Variants in LHPP observed in about 807,000 individuals in gnomAD.
LHPP encodes hLHPP.
LHPP carries 24 observed loss-of-function variants against 30.3 expected under a neutral mutation model. The ratio of observed to expected loss-of-function variants is 0.79; its 90% confidence interval spans 0.57 to 1.11. The LOEUF (loss-of-function observed/expected upper bound fraction) is 1.11. LHPP is among the 50% of genes most tolerant of loss of function. The pLI, the probability that LHPP is intolerant of heterozygous loss-of-function variation, is 0.00. For missense variants in LHPP, 356 were observed against 367.2 expected, an observed-to-expected ratio of 0.97 and a Z score of 0.25; for synonymous variants, 150 against 157.1, an observed-to-expected ratio of 0.95 and a Z score of 0.34.
At chr10:124,524,294 TGAGACA>T (rs1954679865) in intron 6 of LHPP, among the ~76,000 whole-genome samples, 1 of 137,048 alleles carries the variant, frequency 7.3e-6, no homozygotes, top group African/African-American at 3.0e-5. Context: ...TTTTTTTTTT[TGAGACA>T]GAGTCTCACT....
At chr10:124,467,233 A>C (rs374444803) in intron 1 of LHPP, among the ~76,000 whole-genome samples, 8 of 152,156 alleles carry the variant, frequency 5.3e-5, no homozygotes, top group African/African-American at 1.4e-4. Flanking sequence ...ACTGGGTAGA[A>C]GGCAATGGAG....
At chr10:124,494,412 T>C (rs1953637877) in intron 3 of LHPP, among the ~76,000 whole-genome samples, 1 of 152,192 alleles carries the variant, frequency 6.6e-6, no homozygotes, top group African/African-American at 2.4e-5. Context: ...TTTTGTTGAT[T>C]TCAGGTTTTC....
chr10:124,577,602 C>G (rs1948680029), intron 6 of LHPP, among the ~76,000 whole-genome samples: 1 of 104,596 alleles, frequency 9.6e-6, no homozygotes, highest in Non-Finnish European at 2.3e-5. Context: ...GAAATGTCAC[C>G]CTGTGGTCAT....
intron 6 of LHPP, among the ~76,000 whole-genome samples, chr10:124,556,969 CCAAT>C (rs1948311353): frequency 6.6e-6 from 1 of 152,134 alleles, no homozygotes; most frequent in Non-Finnish European, 1.5e-5. Context: ...TGTTCTCTAA[CCAAT>C]CAGAGACCAG....
In LHPP at chr10:124,596,085, A is replaced by G. The variant is rs116040267; in HGVS notation, c.717-17179A>G. 0.015 allele frequency among the ~76,000 whole-genome samples: 2,230 copies of G among 151,778 alleles called. 55 individuals are homozygous for G. Among genetic ancestry groups the G allele is most frequent in the African/African-American group, 0.051 (2,088 of 41,320 alleles). ...CATCCGTGTTGTTCTGTGCAGCCAG[A>G]CTCCATCCTACGGCATCCGTGGGTG... On this transcript the variant is annotated intron_variant, in intron 6 of 6. Coordinates refer to ENST00000368842, the MANE Select transcript of LHPP (RefSeq NM_022126.4). The surrounding 1 kb of genome is among the most constrained non-coding windows in gnomAD (Gnocchi z 4.6).
intron 6 of LHPP, among the ~76,000 whole-genome samples, chr10:124,522,849 A>G (rs988841338): frequency 1.3e-5 from 2 of 152,036 alleles, no homozygotes; most frequent in African/African-American, 4.8e-5. Context: ...AGTAGAGGGA[A>G]GGGACGTTTT....
chr10:124,566,193 T>TGGAGACC (rs1444775771), intron 6 of LHPP, among the ~76,000 whole-genome samples: 5 of 152,238 alleles, frequency 3.3e-5, no homozygotes, highest in African/African-American at 1.2e-4. Context: ...GGCCAGGTCC[T>TGGAGACC]GGAGACCGGG....
chr10:124,550,346 T>A (rs12772807), intron 6 of LHPP, among the ~76,000 whole-genome samples: 22,593 of 152,190 alleles, frequency 0.15, 2,006 homozygotes, highest in Non-Finnish European at 0.2. Context: ...TGTCCCCCCT[T>A]CTCCCCCGAC....
chr10:124,487,157 C>T (rs1285360497), intron 2 of LHPP, among the ~76,000 whole-genome samples: 1 of 152,196 alleles, frequency 6.6e-6, no homozygotes, highest in African/African-American at 2.4e-5. Flanking sequence ...TGGATTGTGA[C>T]CAGTTTCAGT....
chr10:124,522,916 A>G (rs1203056837), intron 6 of LHPP, among the ~76,000 whole-genome samples: 4 of 152,134 alleles, frequency 2.6e-5, no homozygotes, highest in African/African-American at 9.7e-5. Flanking sequence ...CCGCTGGCAC[A>G]TCTGAGCCAC....
intron 6 of LHPP, among the ~76,000 whole-genome samples, chr10:124,518,502 C>A (rs1012346254): frequency 2.0e-5 from 3 of 152,252 alleles, no homozygotes; most frequent in Non-Finnish European, 4.4e-5. Flanking sequence ...TGCTGCCTGG[C>A]GTCAGCCGTC....
intron 5 of LHPP, among the ~76,000 whole-genome samples, chr10:124,513,880 C>T (rs541494664): frequency 2.6e-5 from 4 of 152,088 alleles, no homozygotes; most frequent in South Asian, 2.1e-4. Flanking sequence ...GTTTCAGCCA[C>T]ACTGGCGAGG....
intron 1 of LHPP, among the ~76,000 whole-genome samples, chr10:124,462,782 C>T (rs981566600): frequency 1.3e-5 from 2 of 152,252 alleles, no homozygotes; most frequent in African/African-American, 4.8e-5. Context: ...ACTGCAACCT[C>T]CGCCTCCCGG....
chr10:124,462,089 G>T (rs1952416116), intron 1 of LHPP, 102 bp downstream of exon 1: 2 of 1,044,984 alleles, frequency 1.9e-6, no homozygotes, highest in Non-Finnish European at 2.4e-6. Flanking sequence ...GGGCCGCGGC[G>T]CAGGCCCCGC....
chr10:124,547,039 G>GCACACACACGCACA (rs1266730109), intron 6 of LHPP, among the ~76,000 whole-genome samples: 1 of 16,282 alleles, frequency 6.1e-5, no homozygotes, highest in South Asian at 0.013. Context: ...ACACGCACAC[G>GCACACACACGCACA]CGCGCACACA....
At chr10:124,549,442 A>G (rs1194275778) in intron 6 of LHPP, among the ~76,000 whole-genome samples, 1 of 152,206 alleles carries the variant, frequency 6.6e-6, no homozygotes, top group East Asian at 1.9e-4. Flanking sequence ...TGTCTCAAAA[A>G]AAAAAAAAAG....
intron 5 of LHPP, among the ~76,000 whole-genome samples, chr10:124,506,747 G>A (rs1165861129): frequency 1.4e-5 from 1 of 70,818 alleles, no homozygotes; most frequent in African/African-American, 5.6e-5. Context: ...TTCAGGTTGG[G>A]GGGTAGGGAA....
intron 6 of LHPP, among the ~76,000 whole-genome samples, chr10:124,573,478 A>AT (rs1383300950): frequency 2.0e-5 from 3 of 152,172 alleles, no homozygotes; most frequent in African/African-American, 7.2e-5. Flanking sequence ...CACCCAGCTA[A>AT]TTTTTTATTT....
intron 6 of LHPP, among the ~76,000 whole-genome samples, chr10:124,536,155 G>T (rs1387677744): frequency 2.0e-5 from 3 of 152,266 alleles, no homozygotes; most frequent in Non-Finnish European, 2.9e-5. Flanking sequence ...CACCCCTGCC[G>T]CGTGTGCGTG....
Sources: allele counts gnomAD v4.1 joint callset (sites outside exome capture counted in the v4.1 genomes callset), GRCh38; gene constraint gnomAD v4.1.1; non-coding constraint Gnocchi (gnomAD v3.1); transcripts MANE v1.5; gene names NCBI Gene and HGNC (gene_info 2026-07-23, HGNC 2026-07-21).